ADCY10: variants seen among roughly 807,000 people sequenced by gnomAD.
ADCY10 encodes adenylate cyclase 10.
A neutral mutation model predicts 183.3 loss-of-function variants in ADCY10; 156 were observed. The observed-to-expected ratio is 0.85, with a 90% CI of 0.75 to 0.97. ADCY10 has a LOEUF of 0.97. ADCY10 is among the 50% of genes least tolerant of loss of function. The pLI is 0.00. For missense variants in ADCY10, 1,745 were observed against 1,934.3 expected, an observed-to-expected ratio of 0.90 and a Z score of 1.84; for synonymous variants, 645 against 670.0, an observed-to-expected ratio of 0.96 and a Z score of 0.58.
rs1213619316 is a variant in ADCY10, at chr1:167,846,308, T to C, written c.2438-45A>G. On this transcript the variant is annotated intron_variant, in intron 19 of 32. Coordinates refer to ENST00000367851, the MANE Select transcript of ADCY10 (RefSeq NM_018417.6). The stretch of plus-strand genomic sequence containing the variant: ...CAGTAGAAAACTAGTTATTTATCTT[T>C]ATCTAATATGCTGTATTTAATATAG... 3 of 1,607,364 alleles carry C rather than the reference T, an allele frequency of 1.9e-6. No homozygotes were observed. In the Admixed American group the frequency reaches 5.0e-5, roughly 27 times the overall value.
intron 8 of ADCY10, among the ~76,000 whole-genome samples, chr1:167,885,466 T>C (rs1296142427): frequency 6.6e-6 from 1 of 152,240 alleles, no homozygotes. Flanking sequence ...TGCCTGTCTT[T>C]TGGATAAAAG....
At chr1:167,814,491 C>T (rs2863270) in intron 31 of ADCY10, among the ~76,000 whole-genome samples, 149,670 of 151,870 alleles carry the variant, frequency 0.99, 73,755 homozygotes, top group East Asian at 1. Flanking sequence ...TTTATGCATC[C>T]AATAAGATCG....
chr1:167,837,460 T>C, intron 21 of ADCY10, 142 bp from the exon 22 acceptor site: 1 of 708,324 alleles, frequency 1.4e-6, no homozygotes, highest in East Asian at 2.7e-5. Context: ...CCCCATTGTA[T>C]CTTAGGTGAA....
intron 8 of ADCY10, among the ~76,000 whole-genome samples, chr1:167,888,510 T>TA (rs199859674): frequency 0.013 from 1,922 of 152,304 alleles, 40 homozygotes; most frequent in African/African-American, 0.044. Flanking sequence ...TACTTTATTT[T>TA]ATTTTTAGCT....
At position 167,832,972 on chromosome 1, in the gene ADCY10, A is replaced by C; in HGVS notation, c.3593+15T>G. On this transcript the variant is annotated intron_variant, in intron 25 of 32. Transcript: ENST00000367851. ...TGAGACTAAACAGTCTGCTCTCCCCAGCTCCTTCCCTTACCCTGGAGGTGG... is the reference window on the plus strand; with the variant it reads ...TGAGACTAAACAGTCTGCTCTCCCCCGCTCCTTCCCTTACCCTGGAGGTGG... 1 of 1,612,994 alleles carries C rather than the reference A, an allele frequency of 6.2e-7. No homozygotes were observed. The highest frequency in any genetic ancestry group is 8.5e-7 in the Non-Finnish European group (1 of 1,179,698).
rs1298386708 is a variant in ADCY10, at chr1:167,845,669, G to A, written c.2901C>T (p.Cys967=). Residue 967 remains cysteine (C), a synonymous_variant, in exon 21 of 33, where the codon TGC becomes TGT. Transcript: ENST00000367851. ...GATAGGGAATGAAGTCCCTGCCTCG[G>A]CAGTGGTCACATCTGTGGGCATCTT... The part of the protein sequence containing the change: ...LEEDAHRCDH[C]RGRDFIPYHH... 1.2e-6 allele frequency: 2 copies of A among 1,614,242 alleles called. No homozygotes were observed. The highest frequency in any genetic ancestry group is 1.7e-6 in the Non-Finnish European group (2 of 1,180,044).
At chr1:167,851,960 A>AT (rs1487070241) in intron 18 of ADCY10, among the ~76,000 whole-genome samples, 5 of 152,052 alleles carry the variant, frequency 3.3e-5, no homozygotes, top group Non-Finnish European at 7.4e-5. Context: ...TATCATATTT[A>AT]TTTTTTTAAT....
intron 16 of ADCY10, among the ~76,000 whole-genome samples, chr1:167,859,525 C>G (rs898024958): frequency 6.6e-6 from 1 of 152,114 alleles, no homozygotes; most frequent in Admixed American, 6.5e-5. Flanking sequence ...TATGTAACCA[C>G]TTTGGTACAT....
intron 13 of ADCY10, among the ~76,000 whole-genome samples, chr1:167,871,056 C>A (rs1667072596): frequency 6.6e-6 from 1 of 152,078 alleles, no homozygotes. Flanking sequence ...GGCTATCTAA[C>A]CCTAAAGCTT....
chr1:167,901,564 C>G, intron 5 of ADCY10, 98 bp downstream of exon 5: 1 of 1,267,106 alleles, frequency 7.9e-7, no homozygotes, highest in South Asian at 1.2e-5. Flanking sequence ...GGGGCTGAGC[C>G]ACCATGTTCT....
chr1:167,824,157 C>A (rs1261788021), intron 28 of ADCY10, among the ~76,000 whole-genome samples: 2 of 152,144 alleles, frequency 1.3e-5, no homozygotes, highest in African/African-American at 2.4e-5. Context: ...CCCCTCTCTT[C>A]TAAAAAATAC....
In ADCY10 at chr1:167,848,343, C is replaced by T. The variant is rs1665204249; in HGVS notation, c.2437+18G>A. The T allele has an allele frequency of 1.2e-6, 2 of 1,611,362 alleles. No homozygotes were observed. The highest frequency in any genetic ancestry group is 1.1e-5 in the South Asian group (1 of 91,016). On this transcript the variant is annotated intron_variant, in intron 19 of 32. Coordinates refer to ENST00000367851, the MANE Select transcript of ADCY10 (RefSeq NM_018417.6). ...GGATTACAGGCGTGAGCCACTGCGCCCGGCCAGATTTTCTTACCTTTTAAT... is the reference window on the plus strand; with the variant it reads ...GGATTACAGGCGTGAGCCACTGCGCTCGGCCAGATTTTCTTACCTTTTAAT...
chr1:167,838,610 C>T (rs1271154660), intron 21 of ADCY10, among the ~76,000 whole-genome samples: 1 of 152,196 alleles, frequency 6.6e-6, no homozygotes, highest in Non-Finnish European at 1.5e-5. Flanking sequence ...GGGCTCCGTT[C>T]TCCTTTCACA....
Position 167,878,544 on chromosome 1 carries a change from G to T in ADCY10, c.1308C>A (p.Asn436Lys), listed in dbSNP as rs780288796. ...GCTCTTTAAAAAAGTACGCTGGTAG[G>T]TTGCTCCCATTGTAGGTGACAGAGT... ...TCDSVTYNGS[N>K]LPAYFFKELP... is the part of the protein sequence containing the mutation. The change falls in exon 12 of 33, where the codon AAC becomes AAA. Residue 436 changes from asparagine to lysine, a missense_variant. Physicochemically the swap from Asn to Lys is moderately conservative, Grantham distance 94 (BLOSUM62 0). Transcript: ENST00000367851. 8.7e-6 allele frequency: 14 copies of T among 1,614,136 alleles called. No individual in the cohort carries two copies. Among genetic ancestry groups the T allele is most frequent in the Non-Finnish European group, 1.2e-5 (14 of 1,180,028 alleles).
intron 6 of ADCY10, among the ~76,000 whole-genome samples, chr1:167,898,869 CA>C (rs1010248484): frequency 1.3e-4 from 20 of 152,242 alleles, no homozygotes; most frequent in Admixed American, 6.5e-4. Flanking sequence ...ACCCTCAAAG[CA>C]CAGCTTTTTT....
At chr1:167,859,240 T>C (rs995071989) in intron 16 of ADCY10, among the ~76,000 whole-genome samples, 2 of 152,208 alleles carry the variant, frequency 1.3e-5, no homozygotes, top group Non-Finnish European at 2.9e-5. Context: ...AATATAAATT[T>C]GGTGATCAAT....
At position 167,844,212 on chromosome 1, in the gene ADCY10, C is replaced by T. The variant is rs73039575; in HGVS notation, c.3007+1351G>A. ...GGTGTACATTCCCCTGACATCTTCC[C>T]TGCCCAGTGCAGATGAGACTATTGC... On this transcript the variant is annotated intron_variant, in intron 21 of 32. Coordinates refer to ENST00000367851, the MANE Select transcript of ADCY10 (RefSeq NM_018417.6). Among the ~76,000 whole-genome samples the T allele has an allele frequency of 1.6e-3, 244 of 152,322 alleles. 2 individuals are homozygous for T. Among genetic ancestry groups the T allele is most frequent in the African/African-American group, 5.8e-3 (240 of 41,552 alleles).
chr1:167,884,754 G>A (rs1371999741), intron 8 of ADCY10, among the ~76,000 whole-genome samples: 3 of 146,074 alleles, frequency 2.1e-5, no homozygotes, highest in African/African-American at 5.1e-5. Context: ...CTGGAGTGCA[G>A]TGGCGCGATC....
At chr1:167,911,514 G>C (rs890238503) in intron 1 of ADCY10, among the ~76,000 whole-genome samples, 2 of 152,042 alleles carry the variant, frequency 1.3e-5, no homozygotes, top group African/African-American at 2.4e-5. Flanking sequence ...TCCTTCTTTT[G>C]TTCTCCTCTA....
Sources: gnomAD v4.1 joint callset for allele counts (sites outside exome capture counted in the v4.1 genomes callset) on GRCh38, gnomAD v4.1.1 for gene constraint, MANE v1.5 for transcripts, NCBI Gene and HGNC (gene_info 2026-07-23, HGNC 2026-07-21) for gene names.